Variants in RAD51B observed in about 807,000 individuals in gnomAD.
RAD51B encodes the protein DNA repair protein RAD51 homolog 2.
In RAD51B, 38 loss-of-function variants were observed where a neutral mutation model predicts 42.2. The ratio of observed to expected loss-of-function variants is 0.90; its 90% confidence interval spans 0.70 to 1.18. The LOEUF is 1.18. Among genes scored for constraint, RAD51B ranks in the 50% most tolerant of loss-of-function variants. RAD51B has a pLI of 0.00. For missense variants in RAD51B, 373 were observed against 400.7 expected (o/e 0.93, Z 0.59); for synonymous variants, 154 against 145.2 (o/e 1.06, Z -0.43).
At chr14:68,444,003 A>G (rs1452361738) in intron 9 of RAD51B, among the ~76,000 whole-genome samples, 2 of 152,184 alleles carry the variant, frequency 1.3e-5, no homozygotes, top group Admixed American at 1.3e-4. Flanking sequence ...TGCTTCCAGT[A>G]TGACTTTGAA....
At chr14:68,193,699 C>T (rs1236303634) in intron 7 of RAD51B, among the ~76,000 whole-genome samples, 1 of 152,172 alleles carries the variant, frequency 6.6e-6, no homozygotes, top group Non-Finnish European at 1.5e-5. Flanking sequence ...TGAGCCAGAA[C>T]ACAAGATGAT....
Position 68,575,681 on chromosome 14 carries a change from G to A in RAD51B, c.1037-18804G>A, listed in dbSNP as rs546286190. Among the ~76,000 whole-genome samples the A allele has an allele frequency of 1.6e-3, 243 of 152,316 alleles. 1 individual carries two copies. The highest frequency in any genetic ancestry group is 2.1e-3 in the South Asian group (10 of 4,818). ...CAGGGCCCCTGACCTGTTCATTCTA[G>A]AAGCTTCAGGAGCAGCAGTCCCTGC... On this transcript the variant is annotated intron_variant, in intron 10 of 10. Coordinates refer to the RAD51B transcript ENST00000487270.
intron 8 of RAD51B, among the ~76,000 whole-genome samples, chr14:68,317,041 G>C (rs1238390338): frequency 6.6e-6 from 1 of 152,152 alleles, no homozygotes; most frequent in Non-Finnish European, 1.5e-5. Flanking sequence ...CTTGGGTTAA[G>C]GAAGAGGGCC....
At chr14:68,243,455 T>G (rs990179232) in intron 7 of RAD51B, among the ~76,000 whole-genome samples, 1 of 152,250 alleles carries the variant, frequency 6.6e-6, no homozygotes, top group African/African-American at 2.4e-5. Flanking sequence ...GCTATTAAAT[T>G]GTCATGGTTG....
At chr14:68,428,443 A>G (rs141003584) in intron 9 of RAD51B, among the ~76,000 whole-genome samples, 276 of 152,144 alleles carry the variant, frequency 1.8e-3, no homozygotes, top group African/African-American at 6.2e-3. Context: ...TATTAACTGT[A>G]TGCACATTGT....
chr14:68,625,512 G>A (rs957996419), intron 10 of RAD51B, among the ~76,000 whole-genome samples: 3 of 152,122 alleles, frequency 2.0e-5, no homozygotes, highest in African/African-American at 7.2e-5. Context: ...TCACTCTGTT[G>A]CCCAGGCTGT....
At position 67,949,656 on chromosome 14, in the gene RAD51B, T is replaced by G. The variant is rs574903502; in HGVS notation, c.756+62452T>G. On this transcript the variant is annotated intron_variant, in intron 7 of 10. Transcript: ENST00000471583. ...AATGGCATCTAGAATGGTAAATTCT[T>G]TCCAGAAGAATTTCAATTTTCTTTA... 5.3e-5 allele frequency among the ~76,000 whole-genome samples: 8 copies of G among 152,336 alleles called. No homozygotes were observed. In the South Asian group the frequency reaches 1.7e-3, roughly 32 times the overall value.
chr14:68,648,674 AACACACACACACACAC>A (rs35200852), intron 10 of RAD51B, among the ~76,000 whole-genome samples: 20 of 143,610 alleles, frequency 1.4e-4, no homozygotes, highest in South Asian at 4.6e-4. Flanking sequence ...AAAGCACACA[AACACACACACACACAC>A]ACACACACAC....
At chr14:68,127,604 AACACACAC>A (rs1158570155) in intron 7 of RAD51B, among the ~76,000 whole-genome samples, 1,899 of 133,606 alleles carry the variant, frequency 0.014, 35 homozygotes, top group African/African-American at 0.042. Flanking sequence ...TGTACATTGT[AACACACAC>A]ACACACACAC....
chr14:68,495,383 A>G (rs1594911978), intron 10 of RAD51B, among the ~76,000 whole-genome samples: 1 of 152,074 alleles, frequency 6.6e-6, no homozygotes. Context: ...CTTTGAAATC[A>G]GATCCTGGCA....
intron 9 of RAD51B, among the ~76,000 whole-genome samples, chr14:68,436,834 A>G (rs1282048613): frequency 2.0e-5 from 3 of 152,114 alleles, no homozygotes; most frequent in Non-Finnish European, 4.4e-5. Context: ...TTATTGGTGT[A>G]TAGGAATGCT....
At chr14:68,678,521 C>A (rs1161128904) in intron 11 of RAD51B, among the ~76,000 whole-genome samples, 3 of 152,124 alleles carry the variant, frequency 2.0e-5, no homozygotes, top group Non-Finnish European at 2.9e-5. Flanking sequence ...TAATAGCATG[C>A]CTAGTGCTGA....
intron 8 of RAD51B, among the ~76,000 whole-genome samples, chr14:68,316,850 C>G (rs765211225): frequency 3.3e-5 from 5 of 152,102 alleles, no homozygotes; most frequent in Non-Finnish European, 5.9e-5. Flanking sequence ...AATTTACATA[C>G]TATAAAATTC....
intron 8 of RAD51B, among the ~76,000 whole-genome samples, chr14:68,378,309 G>A (rs1394255165): frequency 6.6e-6 from 1 of 152,092 alleles, no homozygotes; most frequent in Non-Finnish European, 1.5e-5. Flanking sequence ...TAAAAAGCAT[G>A]TTTCTCCCAA....
chr14:68,527,277 AG>A (rs1316969156), intron 10 of RAD51B, among the ~76,000 whole-genome samples: 2 of 152,242 alleles, frequency 1.3e-5, no homozygotes, highest in African/African-American at 4.8e-5. Flanking sequence ...TCAAAGTAAA[AG>A]CCATCTGAAC....
intron 7 of RAD51B, among the ~76,000 whole-genome samples, chr14:68,276,279 G>A (rs972730942): frequency 2.0e-5 from 3 of 152,060 alleles, no homozygotes; most frequent in Non-Finnish European, 4.4e-5. Context: ...CTTCCTTCAA[G>A]GCCCAGATCA....
intron 8 of RAD51B, 72 bp downstream of exon 8, chr14:68,292,052 T>A: frequency 5.1e-6 from 7 of 1,361,146 alleles, no homozygotes; most frequent in Non-Finnish European, 7.3e-6. Context: ...CACCTCCTGT[T>A]GAGAGCTGGG....
intron 10 of RAD51B, among the ~76,000 whole-genome samples, chr14:68,547,278 T>G (rs1303232019): frequency 2.6e-5 from 4 of 152,194 alleles, no homozygotes; most frequent in Non-Finnish European, 5.9e-5. Flanking sequence ...GGGATTAACC[T>G]CCTTTCTCAG....
intron 9 of RAD51B, among the ~76,000 whole-genome samples, chr14:68,452,940 AC>A (rs2085594472): frequency 6.6e-6 from 1 of 152,050 alleles, no homozygotes; most frequent in African/African-American, 2.4e-5. Context: ...ATTGTACTTG[AC>A]CCCAAGCCTC....
Sources: allele counts gnomAD v4.1 joint callset (sites outside exome capture counted in the v4.1 genomes callset), GRCh38; gene constraint gnomAD v4.1.1; transcripts MANE v1.5; gene names NCBI Gene and HGNC (gene_info 2026-07-23, HGNC 2026-07-21).